The following ACTR10 variants were observed in gnomAD, a reference collection of about 807,000 sequenced individuals.
The protein encoded by ACTR10 is actin related protein 10, also known as actin-related protein 10.
Under a neutral mutation model 56.2 loss-of-function variants are expected in ACTR10, and 43 were observed. The ratio of observed to expected loss-of-function variants is 0.77; its 90% confidence interval spans 0.60 to 0.99. The LOEUF (loss-of-function observed/expected upper bound fraction) is 0.99, where lower values mean the gene tolerates loss of function less well. ACTR10 is among the 50% of genes least tolerant of loss of function. ACTR10 has a pLI of 0.00. For missense variants in ACTR10, 466 were observed against 507.8 expected (o/e 0.92, Z 0.79); for synonymous variants, 170 against 176.3 (o/e 0.96, Z 0.28).
At chr14:58,231,315 G>A (rs1417439443) in intron 11 of ACTR10, among the ~76,000 whole-genome samples, 2 of 151,990 alleles carry the variant, frequency 1.3e-5, no homozygotes, top group African/African-American at 4.8e-5. Context: ...GCCTCCCAAA[G>A]GGCTGTACAG....
chr14:58,207,432 C>T (rs559723463), intron 2 of ACTR10, among the ~76,000 whole-genome samples: 75 of 152,148 alleles, frequency 4.9e-4, no homozygotes, highest in African/African-American at 1.8e-3. Context: ...TCAAGTGATT[C>T]TCCTGCCTCA....
intron 10 of ACTR10, among the ~76,000 whole-genome samples, chr14:58,229,677 CAAAA>C (rs34465995): frequency 2.8e-5 from 3 of 106,934 alleles, no homozygotes; most frequent in Admixed American, 9.7e-5. Context: ...GACTCTGTAT[CAAAA>C]AAAAAAAAAA....
rs778723146 is a variant in ACTR10 at position 58,208,033 on chromosome 14, G to A, written c.233+15G>A. Reference sequence around the variant, plus strand: ...CTATATTTCAGGTAAGATACATTTTGTTTTCTAGCTTTTATGATTAGATAG... The same window carrying A: ...CTATATTTCAGGTAAGATACATTTTATTTTCTAGCTTTTATGATTAGATAG... On this transcript the variant is annotated intron_variant, in intron 3 of 12. Coordinates refer to ENST00000254286, the MANE Select transcript of ACTR10 (RefSeq NM_018477.3). The A allele has an allele frequency of 6.8e-7, 1 of 1,478,418 alleles. No individual in the cohort carries two copies. Among genetic ancestry groups the A allele is most frequent in the South Asian group, 1.4e-5 (1 of 74,056 alleles). The allele number at this position is 1,478,418 out of a possible 1,614,324, so 91.6% of individuals were successfully genotyped here.
intron 6 of ACTR10, among the ~76,000 whole-genome samples, chr14:58,213,920 T>A (rs1889064414): frequency 6.6e-6 from 1 of 152,212 alleles, no homozygotes; most frequent in Non-Finnish European, 1.5e-5. Flanking sequence ...ATTTATGAGG[T>A]ACCTGGGATG....
intron 12 of ACTR10, among the ~76,000 whole-genome samples, chr14:58,233,790 T>G (rs1889602257): frequency 6.6e-6 from 1 of 152,222 alleles, no homozygotes; most frequent in South Asian, 2.1e-4. Flanking sequence ...GGATTGTGCA[T>G]TTAGAGAAAG....
intron 2 of ACTR10, 89 bp downstream of exon 2, chr14:58,203,016 T>C: frequency 1.1e-6 from 1 of 935,762 alleles, no homozygotes; most frequent in Non-Finnish European, 1.6e-6. Flanking sequence ...AAAACAGTAC[T>C]AAAGGCCAGC....
chr14:58,224,092 C>T (rs1239506636), intron 10 of ACTR10, among the ~76,000 whole-genome samples: 2 of 152,022 alleles, frequency 1.3e-5, no homozygotes, highest in Non-Finnish European at 2.9e-5. Flanking sequence ...CCTTCATCTC[C>T]TAGGTCCAAG....
At chr14:58,218,498 G>A (rs1347672513) in intron 7 of ACTR10, among the ~76,000 whole-genome samples, 1 of 151,890 alleles carries the variant, frequency 6.6e-6, no homozygotes. Context: ...GATAATAAAG[G>A]TAAAATAATA....
chr14:58,203,698 C>G (rs1423045759), intron 2 of ACTR10, among the ~76,000 whole-genome samples: 1 of 151,932 alleles, frequency 6.6e-6, no homozygotes, highest in African/African-American at 2.4e-5. Flanking sequence ...TATTTATTCC[C>G]TTATTTACAG....
In ACTR10 at chr14:58,204,332, C is replaced by T. The variant is rs141915025; in HGVS notation, c.150+1405C>T. Among the ~76,000 whole-genome samples, 1,438 of 151,900 alleles carry T rather than the reference C, an allele frequency of 9.5e-3. 10 individuals are homozygous for T. The highest frequency in any genetic ancestry group is 0.02 in the Admixed American group (304 of 15,246). ...TCGGGAGGCGAAGCTTGCAGTGAGC[C>T]GAGATTGCGCCACTGCACTCCAGCC... On this transcript the variant is annotated intron_variant, in intron 2 of 12. Transcript: ENST00000254286.
intron 5 of ACTR10, 104 bp downstream of exon 5, chr14:58,211,503 T>C (rs1888994496): frequency 1.2e-6 from 1 of 806,348 alleles, no homozygotes; most frequent in Admixed American, 2.3e-5. Flanking sequence ...CTATTTTGGG[T>C]TACTATGTAC....
intron 8 of ACTR10, among the ~76,000 whole-genome samples, chr14:58,220,568 T>C (rs1317021978): frequency 6.6e-6 from 1 of 152,228 alleles, no homozygotes; most frequent in East Asian, 1.9e-4. Context: ...TGGTTTCCTT[T>C]CCTCTCTTCC....
intron 2 of ACTR10, among the ~76,000 whole-genome samples, 166 bp from the exon 3 acceptor site, chr14:58,207,770 A>C (rs1460403229): frequency 6.6e-6 from 1 of 152,220 alleles, no homozygotes; most frequent in African/African-American, 2.4e-5. Context: ...TCCGATTCTT[A>C]AGGATTCCTA....
chr14:58,235,239 A>T lies in ACTR10; in HGVS notation c.*688A>T, dbSNP rs1444146998. Reference sequence around the variant, plus strand: ...AGCATAAATAGTGTTAACCATTACCAGTTATTTCAAATACTAACATGGGTC... The same window carrying T: ...AGCATAAATAGTGTTAACCATTACCTGTTATTTCAAATACTAACATGGGTC... On this transcript the variant is annotated 3_prime_UTR_variant, in exon 13 of 13. Transcript: ENST00000254286. The T allele has an allele frequency of 6.6e-6, 1 of 152,174 alleles. No homozygotes were observed. The highest frequency in any genetic ancestry group is 1.5e-5 in the Non-Finnish European group (1 of 68,042). The allele number at this position is 152,174 out of a possible 1,614,324, so 9.4% of individuals were successfully genotyped here.
chr14:58,231,806 C>T (rs1889541913), intron 11 of ACTR10, among the ~76,000 whole-genome samples: 1 of 152,120 alleles, frequency 6.6e-6, no homozygotes, highest in African/African-American at 2.4e-5. Context: ...ATGTAAAATT[C>T]TATGCTTTTA....
intron 10 of ACTR10, among the ~76,000 whole-genome samples, chr14:58,228,334 T>C (rs1192976309): frequency 6.6e-6 from 1 of 152,184 alleles, no homozygotes; most frequent in Non-Finnish European, 1.5e-5. Context: ...AAGTCCAACA[T>C]AGGCCGGGTG....
intron 7 of ACTR10, among the ~76,000 whole-genome samples, chr14:58,216,626 C>T (rs1318851551): frequency 2.0e-5 from 3 of 152,108 alleles, no homozygotes; most frequent in Non-Finnish European, 2.9e-5. Flanking sequence ...TTACAGTTGT[C>T]GAGGCACCGT....
chr14:58,203,316 A>AC (rs1167578519), intron 2 of ACTR10, among the ~76,000 whole-genome samples: 154 of 151,760 alleles, frequency 1.0e-3, no homozygotes, highest in Middle Eastern at 3.4e-3. Context: ...AAAAAAAAAA[A>AC]AAAAAGAAAC....
chr14:58,227,357 C>A (rs1022687054), intron 10 of ACTR10, among the ~76,000 whole-genome samples: 15 of 151,996 alleles, frequency 9.9e-5, no homozygotes, highest in African/African-American at 3.6e-4. Flanking sequence ...ATGGTGAAAC[C>A]CCATCTCCAC....
Sources: allele counts gnomAD v4.1 joint callset (sites outside exome capture counted in the v4.1 genomes callset), GRCh38; gene constraint gnomAD v4.1.1; transcripts MANE v1.5; gene names NCBI Gene and HGNC (gene_info 2026-07-23, HGNC 2026-07-21).